SLC35F1: variants seen among roughly 807,000 people sequenced by gnomAD.
SLC35F1 encodes the protein chromosome 6 open reading frame 169.
SLC35F1 carries 14 observed loss-of-function variants against 48.7 expected under a neutral mutation model. The ratio of observed to expected loss-of-function variants is 0.29; its 90% CI spans 0.19 to 0.45. The LOEUF is 0.45. Ranked by LOEUF, SLC35F1 falls within the 20% of genes least tolerant of loss-of-function variation. SLC35F1 has a pLI of 1.00. For missense variants in SLC35F1, 404 were observed against 500.0 expected (o/e 0.81, Z 1.83); for synonymous variants, 190 against 202.2 (o/e 0.94, Z 0.51).
intron 1 of SLC35F1, among the ~76,000 whole-genome samples, chr6:117,923,924 A>G (rs1199790895): frequency 6.7e-6 from 1 of 150,174 alleles, no homozygotes; most frequent in Non-Finnish European, 1.5e-5. Context: ...ATATATACAT[A>G]TGTGTTATGT....
At chr6:118,266,382 A>C (rs1192781673) in intron 3 of SLC35F1, among the ~76,000 whole-genome samples, 1 of 152,168 alleles carries the variant, frequency 6.6e-6, no homozygotes, top group Non-Finnish European at 1.5e-5. Context: ...TTTTTTTCTA[A>C]TAGTTCTTTT....
chr6:118,141,723 G>T (rs937622260), intron 1 of SLC35F1, among the ~76,000 whole-genome samples: 2 of 152,108 alleles, frequency 1.3e-5, no homozygotes, highest in African/African-American at 4.8e-5. Flanking sequence ...CCACATTGTG[G>T]GGGAGGTAGG....
At chr6:118,242,184 C>T (rs1364332574) in intron 3 of SLC35F1, among the ~76,000 whole-genome samples, 1 of 152,182 alleles carries the variant, frequency 6.6e-6, no homozygotes, top group Admixed American at 6.5e-5. Context: ...TACATTCCTA[C>T]CAGCAATGTA....
At chr6:118,099,043 A>G (rs1044624587) in intron 1 of SLC35F1, among the ~76,000 whole-genome samples, 43 of 152,190 alleles carry the variant, frequency 2.8e-4, no homozygotes, top group African/African-American at 9.9e-4. Context: ...GCATTAGGAA[A>G]TGTGTTTACA....
At chr6:117,923,638 C>CATATATACATATGTATATACACAT (rs1562238569) in intron 1 of SLC35F1, among the ~76,000 whole-genome samples, 1 of 50,950 alleles carries the variant, frequency 2.0e-5, no homozygotes, top group African/African-American at 7.5e-5. Context: ...CATATATGTA[C>CATATATACATATGTATATACACAT]ATATGTACAT....
intron 1 of SLC35F1, among the ~76,000 whole-genome samples, chr6:118,007,923 C>T (rs1777195402): frequency 6.6e-6 from 1 of 152,092 alleles, no homozygotes; most frequent in Non-Finnish European, 1.5e-5. Context: ...GAATTCGGTT[C>T]CTTGCAGCCA....
intron 4 of SLC35F1, among the ~76,000 whole-genome samples, chr6:118,268,584 GTATA>G (rs1183493675): frequency 3.0e-5 from 2 of 67,274 alleles, no homozygotes; most frequent in African/African-American, 1.2e-4. Flanking sequence ...TCATATATAT[GTATA>G]TATATATATA....
intron 1 of SLC35F1, among the ~76,000 whole-genome samples, chr6:117,956,831 A>G (rs139031657): frequency 1.1e-3 from 169 of 152,242 alleles, no homozygotes; most frequent in African/African-American, 4.0e-3. Context: ...GGGAAACCCT[A>G]TCCTTCTCAG....
chr6:118,079,771 G>A (rs546976781), intron 1 of SLC35F1, among the ~76,000 whole-genome samples: 1 of 152,134 alleles, frequency 6.6e-6, no homozygotes, highest in Non-Finnish European at 1.5e-5. Context: ...CCCCTGTTCT[G>A]TTATTCCCCC....
chr6:118,130,039 A>C (rs1773687197), intron 1 of SLC35F1, among the ~76,000 whole-genome samples: 1 of 152,176 alleles, frequency 6.6e-6, no homozygotes, highest in South Asian at 2.1e-4. Flanking sequence ...TAATATTTTC[A>C]AAATGCTTTA....
At chr6:118,116,304 A>G (rs1374725567) in intron 1 of SLC35F1, among the ~76,000 whole-genome samples, 1 of 152,200 alleles carries the variant, frequency 6.6e-6, no homozygotes, top group African/African-American at 2.4e-5. Context: ...TACCTAGAGA[A>G]GCAGATGACA....
chr6:118,230,351 A>G (rs1052243270), intron 2 of SLC35F1, among the ~76,000 whole-genome samples: 10 of 145,130 alleles, frequency 6.9e-5, no homozygotes, highest in African/African-American at 2.5e-4. Flanking sequence ...AAAAAAAAAA[A>G]GAAGAAAAAC....
chr6:117,907,884 G>A lies in SLC35F1; in HGVS notation c.158G>A (p.Arg53His). The A allele has an allele frequency of 2.0e-6, 3 of 1,489,250 alleles. No individual in the cohort carries two copies. Among genetic ancestry groups the A allele is most frequent in the Non-Finnish European group, 8.9e-7 (1 of 1,129,732 alleles). The allele number at this position is 1,489,250 out of a possible 1,614,324, so 92.3% of individuals were successfully genotyped here. A position where few individuals can be genotyped will look rare whatever the true frequency, so the allele number is the denominator to read the frequency against. ...SSRAGVRQRI[R>H]KVLNREMLIS... is the part of the protein sequence containing the mutation. ...CGGGCTGGCGTGCGCCAGAGGATCC[G>A]CAAAGTGCTGAACAGGTGAGCGGCG... The change falls in exon 1 of 8, where the codon CGC becomes CAC. Residue 53 changes from arginine to histidine, a missense_variant. Around this residue, in one of 2 missense-constraint regions of SLC35F1, gnomAD observed 98 missense variants for 81.0 expected, o/e 1.21. Coordinates refer to ENST00000360388, the MANE Select transcript of SLC35F1 (RefSeq NM_001029858.4).
intron 7 of SLC35F1, among the ~76,000 whole-genome samples, chr6:118,291,241 A>G (rs1776117684): frequency 1.2e-5 from 1 of 82,862 alleles, no homozygotes; most frequent in Non-Finnish European, 2.3e-5. Context: ...TGTATCATGT[A>G]TACACACACA....
At chr6:118,084,318 ATCCGATTGTCTT>A (rs1772953364) in intron 1 of SLC35F1, among the ~76,000 whole-genome samples, 1 of 152,112 alleles carries the variant, frequency 6.6e-6, no homozygotes, top group South Asian at 2.1e-4. Flanking sequence ...GTATTGCCCA[ATCCGATTGTCTT>A]TCATATCAAA....
chr6:118,009,631 C>T (rs764737561), intron 1 of SLC35F1, among the ~76,000 whole-genome samples: 1 of 152,110 alleles, frequency 6.6e-6, no homozygotes, highest in Non-Finnish European at 1.5e-5. Flanking sequence ...CCTACACATC[C>T]AATCATCTTT....
chr6:117,985,259 A>G (rs887342313), intron 1 of SLC35F1, among the ~76,000 whole-genome samples: 26 of 152,224 alleles, frequency 1.7e-4, no homozygotes, highest in African/African-American at 6.0e-4. Flanking sequence ...GAATCACAGG[A>G]TAAGAATATC....
intron 1 of SLC35F1, among the ~76,000 whole-genome samples, chr6:118,005,145 AG>A (rs1777157324): frequency 6.6e-6 from 1 of 152,138 alleles, no homozygotes; most frequent in Non-Finnish European, 1.5e-5. Context: ...AGAGGAGAAA[AG>A]GTATGGAGGA....
At chr6:117,956,506 C>G (rs553561949) in intron 1 of SLC35F1, among the ~76,000 whole-genome samples, 1 of 152,326 alleles carries the variant, frequency 6.6e-6, no homozygotes, top group African/African-American at 2.4e-5. Flanking sequence ...TGCTGCTTTA[C>G]TAGGCAACGC....
Sources: gnomAD v4.1 joint callset for allele counts (sites outside exome capture counted in the v4.1 genomes callset) on GRCh38, gnomAD v4.1.1 for gene constraint, gnomAD v4.1.1 regional missense constraint, MANE v1.5 for transcripts, NCBI Gene and HGNC (gene_info 2026-07-23, HGNC 2026-07-21) for gene names.